Variants in SKI observed in about 807,000 individuals in gnomAD.
The protein encoded by SKI is ski oncogene.
In SKI, 23 loss-of-function variants were observed where a neutral mutation model predicts 59.3. The observed-to-expected ratio is 0.39, with a 90% CI of 0.28 to 0.55. The LOEUF is 0.55. Ranked by LOEUF, SKI falls within the 20% of genes least tolerant of loss-of-function variation. The pLI, the probability that SKI is intolerant of heterozygous loss-of-function variation, is 0.67. For synonymous variants in SKI, 673 were observed against 488.6 expected, an observed-to-expected ratio of 1.38 and a Z score of -4.98; for missense variants, 1,017 against 1,038.9, an observed-to-expected ratio of 0.98 and a Z score of 0.29.
At position 2,228,897 on chromosome 1, in the gene SKI, A is replaced by G; in HGVS notation, c.131A>G (p.Gln44Arg). ...GPAAFSARWA[Q>R]EAYKKESAKE... Reference sequence around the variant, plus strand: ...GCCGCTTTCTCGGCGCGCTGGGCGCAGGAGGCCTACAAGAAGGAGAGCGCC... The same window carrying G: ...GCCGCTTTCTCGGCGCGCTGGGCGCGGGAGGCCTACAAGAAGGAGAGCGCC... The change falls in exon 1 of 7, where the codon CAG becomes CGG. Residue 44 changes from glutamine (Q) to arginine (R), a missense_variant. Physicochemically the swap from Gln to Arg is conservative, Grantham distance 43 (BLOSUM62 1). Coordinates refer to ENST00000378536, the MANE Select transcript of SKI (RefSeq NM_003036.4). The G allele has an allele frequency of 2.8e-6, 4 of 1,418,838 alleles. No individual in the cohort carries two copies. Among genetic ancestry groups the G allele is most frequent in the Non-Finnish European group, 3.7e-6 (4 of 1,081,632 alleles). 87.9% of individuals were successfully genotyped at this position (1,418,838 alleles called of 1,614,324 possible).
At chr1:2,244,871 G>A (rs953913261) in intron 1 of SKI, among the ~76,000 whole-genome samples, 4 of 152,154 alleles carry the variant, frequency 2.6e-5, no homozygotes, top group African/African-American at 9.7e-5. Context: ...AAACAGGAGT[G>A]GCTCCATTTG....
chr1:2,300,374 A>G (rs1569852334), intron 1 of SKI, among the ~76,000 whole-genome samples: 1 of 151,824 alleles, frequency 6.6e-6, no homozygotes, highest in African/African-American at 2.4e-5. Context: ...TGTGGGCTCC[A>G]AGGGCGGGTT....
chr1:2,295,607 G>T (rs1478042975), intron 1 of SKI, among the ~76,000 whole-genome samples: 1 of 152,184 alleles, frequency 6.6e-6, no homozygotes, highest in Non-Finnish European at 1.5e-5. Context: ...TTCCATAGAA[G>T]TAGAGCCACG....
At chr1:2,275,184 T>G (rs981159837) in intron 1 of SKI, among the ~76,000 whole-genome samples, 2 of 152,190 alleles carry the variant, frequency 1.3e-5, no homozygotes, top group African/African-American at 4.8e-5. Flanking sequence ...GGAGATGTGT[T>G]CGCGGGGTCC....
intron 1 of SKI, among the ~76,000 whole-genome samples, chr1:2,248,568 A>G (rs1049415398): frequency 2.0e-5 from 3 of 152,138 alleles, no homozygotes; most frequent in Non-Finnish European, 4.4e-5. Flanking sequence ...GGGCCTGGAC[A>G]GGCAGCCTTT....
intron 1 of SKI, among the ~76,000 whole-genome samples, chr1:2,238,116 C>T (rs970431592): frequency 2.2e-4 from 34 of 152,198 alleles, no homozygotes; most frequent in African/African-American, 8.0e-4. Flanking sequence ...TCCTTGGCTC[C>T]CTCCCTCACC....
At chr1:2,282,556 TC>T (rs1639917170) in intron 1 of SKI, among the ~76,000 whole-genome samples, 1 of 152,140 alleles carries the variant, frequency 6.6e-6, no homozygotes, top group Admixed American at 6.5e-5. Flanking sequence ...AGCCCAGAGT[TC>T]CATAGTGGGC....
At chr1:2,252,991 G>T (rs2100825975) in intron 1 of SKI, among the ~76,000 whole-genome samples, 1 of 152,078 alleles carries the variant, frequency 6.6e-6, no homozygotes, top group South Asian at 2.1e-4. Flanking sequence ...AGCTACTTGG[G>T]AGGCTGAGGC....
At position 2,229,883 on chromosome 1, in the gene SKI, G is replaced by A; in HGVS notation, c.969+148G>A. On this transcript the variant is annotated intron_variant, in intron 1 of 6. Transcript: ENST00000378536. The surrounding 1 kb of genome is among the most constrained non-coding windows in gnomAD (Gnocchi z 6.3). ...CTTCGCTTTGTTTTAGGGAAATTCA[G>A]AGTGTTCCGACTGGCAGGGCCAGAG... is the stretch of plus-strand genomic sequence containing the variant. The A allele has an allele frequency of 7.0e-7, 1 of 1,435,214 alleles. No homozygotes were observed. The highest frequency in any genetic ancestry group is 1.4e-5 in the African/African-American group (1 of 70,172). The allele number at this position is 1,435,214 out of a possible 1,614,324, so 88.9% of individuals were successfully genotyped here. A position where few individuals can be genotyped will look rare whatever the true frequency, so the allele number is the denominator to read the frequency against.
intron 1 of SKI, among the ~76,000 whole-genome samples, chr1:2,279,242 A>T (rs377649660): frequency 1.3e-5 from 2 of 152,260 alleles, no homozygotes; most frequent in African/African-American, 4.8e-5. Context: ...TCCCCTACGG[A>T]ACAGCAGCCT....
intron 1 of SKI, among the ~76,000 whole-genome samples, chr1:2,237,944 G>A (rs916243113): frequency 1.3e-5 from 2 of 152,206 alleles, no homozygotes; most frequent in Admixed American, 6.5e-5. Flanking sequence ...GGAGTCCAAC[G>A]GGCCTTGAGA....
chr1:2,304,362 C>T lies in SKI; in HGVS notation c.1544C>T (p.Ser515Phe). Residue 515 changes from serine (S) to phenylalanine (F), a missense_variant, in exon 5 of 7, where the codon TCC becomes TTC. Ser to Phe is a radical substitution (Grantham distance 155). Transcript: ENST00000378536. ...TSSSSAKDLGSPGARALPSAV... is the reference protein window; with the variant it reads ...TSSSSAKDLGFPGARALPSAV... ...TCCAGCTCCGCCAAGGACCTGGGCT[C>T]CCCGGGTGCGCGTGCCCTGCCCTCG... is the stretch of plus-strand genomic sequence containing the variant. 6.4e-7 allele frequency: 1 copy of T among 1,551,724 alleles called. No homozygotes were observed. The highest frequency in any genetic ancestry group is 8.7e-7 in the Non-Finnish European group (1 of 1,147,064).
chr1:2,278,418 C>T (rs900569285), intron 1 of SKI, among the ~76,000 whole-genome samples: 3 of 152,198 alleles, frequency 2.0e-5, no homozygotes, highest in Admixed American at 6.5e-5. Flanking sequence ...GATCTGGAGA[C>T]GACTCTTGCT....
intron 1 of SKI, among the ~76,000 whole-genome samples, chr1:2,290,250 G>A (rs1225536140): frequency 1.3e-5 from 2 of 152,176 alleles, no homozygotes; most frequent in Non-Finnish European, 2.9e-5. Flanking sequence ...CTACTTCTCA[G>A]CCTCTTGAGA....
intron 1 of SKI, among the ~76,000 whole-genome samples, chr1:2,254,122 G>A (rs2100827980): frequency 6.6e-6 from 1 of 152,340 alleles, no homozygotes; most frequent in East Asian, 1.9e-4. Context: ...ACCATGAGGG[G>A]CTGGGGTTGG....
intron 1 of SKI, among the ~76,000 whole-genome samples, chr1:2,285,127 TGG>T (rs1640009139): frequency 6.6e-6 from 1 of 152,130 alleles, no homozygotes. Flanking sequence ...TGTGGCCGTG[TGG>T]ACTTGTCCCC....
Position 2,304,437 on chromosome 1 carries a change from C to T in SKI, c.1619C>T (p.Ala540Val), listed in dbSNP as rs764786977. 63 of 1,560,528 alleles carry T rather than the reference C, an allele frequency of 4.0e-5. No individual in the cohort carries two copies. Among genetic ancestry groups the T allele is most frequent in the Middle Eastern group, 1.7e-4 (1 of 6,002 alleles). The change falls in exon 5 of 7, where the codon GCG becomes GTG. Residue 540 changes from alanine to valine, a missense_variant. Coordinates refer to ENST00000378536, the MANE Select transcript of SKI (RefSeq NM_003036.4). ...APADAPSGLE[A>V]ELEHLRQALE... The stretch of plus-strand genomic sequence containing the variant: ...GCCGACGCCCCCAGTGGGCTGGAGG[C>T]GGAGCTGGAGCACCTGCGGCAGGCA...
chr1:2,242,684 G>A (rs1638904936), intron 1 of SKI, among the ~76,000 whole-genome samples: 3 of 151,984 alleles, frequency 2.0e-5, no homozygotes, highest in Admixed American at 6.6e-5. Context: ...CACGCCTGGC[G>A]GATATTTTTT....
intron 1 of SKI, among the ~76,000 whole-genome samples, chr1:2,233,652 A>G (rs945362565): frequency 6.6e-6 from 1 of 151,990 alleles, no homozygotes; most frequent in Non-Finnish European, 1.5e-5. Context: ...CCCTGGCCCC[A>G]GGCAGCGTTT....
Sources: allele counts gnomAD v4.1 joint callset (sites outside exome capture counted in the v4.1 genomes callset), GRCh38; gene constraint gnomAD v4.1.1; non-coding constraint Gnocchi (gnomAD v3.1); transcripts MANE v1.5; gene names NCBI Gene and HGNC (gene_info 2026-07-23, HGNC 2026-07-21).